Variants in CCDC146 observed in about 807,000 individuals in gnomAD.
CCDC146 encodes the protein coiled-coil domain containing 146, also known as coiled-coil domain-containing protein 146.
Under a neutral mutation model 119.3 loss-of-function variants are expected in CCDC146, and 92 were observed. That is an observed-to-expected ratio of 0.77 (90% CI 0.65 to 0.92). The LOEUF (loss-of-function observed/expected upper bound fraction) is 0.92, where lower values mean the gene tolerates loss of function less well. Among genes scored for constraint, CCDC146 ranks in the 40% least tolerant of loss-of-function variants. The probability of loss-of-function intolerance (pLI) is 0.00; values close to 1 mark genes in which losing one functional copy is unlikely to be tolerated. For missense variants in CCDC146, 1,000 were observed against 1,103.0 expected, an observed-to-expected ratio of 0.91 and a Z score of 1.32; for synonymous variants, 372 against 371.8, an observed-to-expected ratio of 1.00 and a Z score of -0.01.
At chr7:77,278,112 AC>A (rs1459569582) in intron 11 of CCDC146, among the ~76,000 whole-genome samples, 1 of 152,220 alleles carries the variant, frequency 6.6e-6, no homozygotes, top group Non-Finnish European at 1.5e-5. Context: ...CTCTGACAAA[AC>A]ACCACAGAGG....
chr7:77,132,253 T>A (rs2117395669), intron 1 of CCDC146, among the ~76,000 whole-genome samples: 1 of 151,890 alleles, frequency 6.6e-6, no homozygotes, highest in African/African-American at 2.4e-5. Flanking sequence ...GATAAAAAAA[T>A]TAGACAAAAA....
chr7:77,193,923 G>A (rs1791818814), intron 2 of CCDC146: 1 of 152,526 alleles, frequency 6.6e-6, no homozygotes, highest in Admixed American at 6.5e-5. Context: ...TCTAGCAGAT[G>A]TAATCTATTT....
At chr7:77,132,395 C>A (rs533049455) in intron 1 of CCDC146, among the ~76,000 whole-genome samples, 1 of 151,700 alleles carries the variant, frequency 6.6e-6, no homozygotes, top group East Asian at 1.9e-4. Context: ...GTTTATCTCT[C>A]GAATGCAAGA....
intron 2 of CCDC146, among the ~76,000 whole-genome samples, chr7:77,174,748 C>G (rs1392099345): frequency 6.6e-6 from 1 of 152,108 alleles, no homozygotes; most frequent in Non-Finnish European, 1.5e-5. Flanking sequence ...TGTAAATATA[C>G]CATAATTTGT....
chr7:77,219,735 G>A (rs773806227), intron 2 of CCDC146, among the ~76,000 whole-genome samples: 2 of 152,154 alleles, frequency 1.3e-5, no homozygotes, highest in Non-Finnish European at 2.9e-5. Flanking sequence ...ACAAAAGAAA[G>A]AAATTTTACA....
intron 2 of CCDC146, among the ~76,000 whole-genome samples, chr7:77,205,343 CT>C (rs1792063981): frequency 6.6e-6 from 1 of 152,108 alleles, no homozygotes; most frequent in African/African-American, 2.4e-5. Flanking sequence ...TAAAGACACC[CT>C]ATTTAATATA....
intron 7 of CCDC146, 77 bp downstream of exon 7, chr7:77,259,145 T>G: frequency 2.5e-6 from 2 of 815,904 alleles, no homozygotes; most frequent in Non-Finnish European, 4.0e-6. Flanking sequence ...GTACTAACCA[T>G]TGGACACATT....
intron 1 of CCDC146, among the ~76,000 whole-genome samples, chr7:77,149,232 A>T (rs1562816027): frequency 6.6e-6 from 1 of 152,228 alleles, no homozygotes; most frequent in East Asian, 1.9e-4. Flanking sequence ...TGGGGAAAGG[A>T]TTCCCTATTT....
intron 1 of CCDC146, among the ~76,000 whole-genome samples, chr7:77,155,619 T>C (rs1209817582): frequency 6.6e-6 from 1 of 152,200 alleles, no homozygotes; most frequent in African/African-American, 2.4e-5. Flanking sequence ...ACTCTCTGAT[T>C]GTCAATTTCC....
At chr7:77,178,742 C>T (rs1584045443) in intron 2 of CCDC146, among the ~76,000 whole-genome samples, 1 of 152,116 alleles carries the variant, frequency 6.6e-6, no homozygotes, top group African/African-American at 2.4e-5. Context: ...ACGGATGTTG[C>T]TCTTCAAAAT....
At chr7:77,129,320 G>A (rs1790750421) in intron 1 of CCDC146, among the ~76,000 whole-genome samples, 1 of 151,938 alleles carries the variant, frequency 6.6e-6, no homozygotes, top group Non-Finnish European at 1.5e-5. Context: ...TCGTATTCAA[G>A]TAACCCTTAT....
chr7:77,229,459 T>C (rs1035799517), intron 2 of CCDC146, among the ~76,000 whole-genome samples: 3 of 152,222 alleles, frequency 2.0e-5, no homozygotes, highest in Non-Finnish European at 4.4e-5. Context: ...AGGTTTTACA[T>C]TTAAGTCTTT....
At chr7:77,185,050 C>T (rs953382943) in intron 2 of CCDC146, among the ~76,000 whole-genome samples, 8 of 152,044 alleles carry the variant, frequency 5.3e-5, no homozygotes, top group South Asian at 2.1e-4. Context: ...GGATAATTAT[C>T]TACAAGTGAA....
At chr7:77,221,252 C>G (rs1792398115) in intron 2 of CCDC146, among the ~76,000 whole-genome samples, 1 of 152,158 alleles carries the variant, frequency 6.6e-6, no homozygotes, top group South Asian at 2.1e-4. Flanking sequence ...GGACACAGAT[C>G]CAGACCACAT....
intron 1 of CCDC146, among the ~76,000 whole-genome samples, chr7:77,138,282 G>T (rs1790886058): frequency 7.5e-6 from 1 of 132,744 alleles, no homozygotes; most frequent in Non-Finnish European, 1.6e-5. Context: ...TGCTGGAGGG[G>T]GCAGTTGCAA....
intron 13 of CCDC146, 119 bp downstream of exon 13, chr7:77,279,220 T>TG (rs1793716716): frequency 1.1e-6 from 1 of 878,000 alleles, no homozygotes; most frequent in African/African-American, 1.8e-5. Flanking sequence ...GCCAAGATGG[T>TG]GCCACTGCCC....
chr7:77,124,937 A>ATTTAGCCTGGAAAAGGCTAAAT (rs1790672007), intron 1 of CCDC146, among the ~76,000 whole-genome samples: 1 of 152,088 alleles, frequency 6.6e-6, no homozygotes, highest in African/African-American at 2.4e-5. Flanking sequence ...TCATGCCTGT[A>ATTTAGCCTGGAAAAGGCTAAAT]ATTTCAGCAC....
chr7:77,200,877 A>T (rs1791974468), intron 2 of CCDC146, among the ~76,000 whole-genome samples: 1 of 152,226 alleles, frequency 6.6e-6, no homozygotes, highest in Non-Finnish European at 1.5e-5. Flanking sequence ...TTCTTGTTTA[A>T]AAAGGGTTTT....
chr7:77,133,635 C>T (rs1357638129), intron 1 of CCDC146, among the ~76,000 whole-genome samples: 4 of 147,592 alleles, frequency 2.7e-5, no homozygotes, highest in South Asian at 2.1e-4. Context: ...TGAGCCACCA[C>T]GCCCAGCCTG....
Sources: gnomAD v4.1 joint callset for allele counts (sites outside exome capture counted in the v4.1 genomes callset) on GRCh38, gnomAD v4.1.1 for gene constraint, MANE v1.5 for transcripts, NCBI Gene and HGNC (gene_info 2026-07-23, HGNC 2026-07-21) for gene names.